The following SOX5 variants were observed in gnomAD, a reference collection of about 807,000 sequenced individuals.
SOX5 encodes transcription factor SOX-5.
In SOX5, 9 loss-of-function variants were observed where a neutral mutation model predicts 92.0. The observed-to-expected ratio is 0.10, with a 90% CI of 0.06 to 0.17. The LOEUF (loss-of-function observed/expected upper bound fraction) is 0.17, where lower values mean the gene tolerates loss of function less well. Among genes scored for constraint, SOX5 ranks in the 10% least tolerant of loss-of-function variants. The probability of loss-of-function intolerance (pLI) is 1.00; values close to 1 mark genes in which losing one functional copy is unlikely to be tolerated. For synonymous variants in SOX5, 344 were observed against 336.3 expected (o/e 1.02, Z -0.25); for missense variants, 642 against 944.5 (o/e 0.68, Z 4.20).
At chr12:24,357,726 C>T (rs1478542222) in intron 2 of SOX5, among the ~76,000 whole-genome samples, 3 of 151,838 alleles carry the variant, frequency 2.0e-5, no homozygotes, top group African/African-American at 7.3e-5. Flanking sequence ...GCCTGTAATC[C>T]CAGCTACTCT....
intron 4 of SOX5, among the ~76,000 whole-genome samples, chr12:24,064,125 GC>G (rs1337713937): frequency 2.0e-5 from 3 of 152,146 alleles, no homozygotes; most frequent in Non-Finnish European, 4.4e-5. Flanking sequence ...ACCAATGCTA[GC>G]CTTTGAATTG....
At chr12:23,975,613 C>T (rs1437264419) in intron 4 of SOX5, among the ~76,000 whole-genome samples, 1 of 152,134 alleles carries the variant, frequency 6.6e-6, no homozygotes, top group Admixed American at 6.6e-5. Context: ...TAGAGCCAAA[C>T]TATCTGGGAT....
chr12:23,701,395 C>T (rs796798179), intron 6 of SOX5, among the ~76,000 whole-genome samples: 2 of 151,848 alleles, frequency 1.3e-5, no homozygotes, highest in African/African-American at 4.8e-5. Flanking sequence ...TAAGTTGCAG[C>T]TAGATTTTGT....
intron 6 of SOX5, among the ~76,000 whole-genome samples, chr12:23,701,363 T>A (rs2090606761): frequency 6.6e-6 from 1 of 151,994 alleles, no homozygotes; most frequent in South Asian, 2.1e-4. Context: ...AATTTTTTTT[T>A]TAATAAAAAG....
intron 7 of SOX5, among the ~76,000 whole-genome samples, chr12:23,662,697 A>AT (rs1446902588): frequency 3.3e-5 from 5 of 151,890 alleles, no homozygotes; most frequent in Admixed American, 6.6e-5. Context: ...CTGTGTTTCT[A>AT]TTTTTTTTCC....
intron 3 of SOX5, among the ~76,000 whole-genome samples, chr12:23,832,892 T>G: frequency 6.6e-6 from 1 of 151,934 alleles, no homozygotes; most frequent in East Asian, 1.9e-4. Flanking sequence ...CCCCAAATAT[T>G]GCTAAATATC....
At chr12:23,645,456 T>A (rs769181350) in intron 7 of SOX5, among the ~76,000 whole-genome samples, 5 of 152,136 alleles carry the variant, frequency 3.3e-5, no homozygotes, top group Non-Finnish European at 7.4e-5. Flanking sequence ...GAAATGAAGT[T>A]TTAAGAAGCC....
intron 7 of SOX5, among the ~76,000 whole-genome samples, chr12:23,641,751 C>T (rs1010922187): frequency 6.6e-6 from 1 of 152,058 alleles, no homozygotes; most frequent in African/African-American, 2.4e-5. Context: ...AAGTAATGTA[C>T]ATTATTTGTC....
intron 1 of SOX5, chr12:23,920,310 T>C (rs892718266): frequency 1.1e-4 from 16 of 152,230 alleles, no homozygotes; most frequent in Non-Finnish European, 2.4e-4. Context: ...TTCTAAGATA[T>C]TGTTTGTATT....
chr12:24,384,156 T>G (rs1188236881), intron 1 of SOX5, among the ~76,000 whole-genome samples: 2 of 152,106 alleles, frequency 1.3e-5, no homozygotes, highest in East Asian at 3.9e-4. Context: ...AATTACCCAG[T>G]CTCAGATATT....
Position 24,103,505 on chromosome 12 carries a change from C to T in SOX5, c.-2+109838G>A, listed in dbSNP as rs11047260. 5.9e-5 allele frequency among the ~76,000 whole-genome samples: 9 copies of T among 152,230 alleles called. No individual in the cohort carries two copies. The East Asian group carries it at 1.7e-3, about 29-fold the overall frequency. ...AAGTAGCTAGGACTACAGCCATATG[C>T]CACCATGGCCAGCTAATATTTTTAT... On this transcript the variant is annotated intron_variant, in intron 4 of 4. Coordinates refer to the SOX5 transcript ENST00000446891.
intron 3 of SOX5, among the ~76,000 whole-genome samples, chr12:23,784,510 T>C (rs1484976663): frequency 6.6e-6 from 1 of 152,012 alleles, no homozygotes; most frequent in Non-Finnish European, 1.5e-5. Flanking sequence ...GTATTTTTAG[T>C]AGAGACAGGG....
intron 4 of SOX5, among the ~76,000 whole-genome samples, chr12:24,011,955 T>C (rs962449702): frequency 2.0e-5 from 3 of 152,198 alleles, no homozygotes; most frequent in African/African-American, 7.2e-5. Context: ...AACTGAGATA[T>C]CTGATGTTAG....
rs1939318850 is a variant in SOX5, at chr12:23,532,555, T to C, written c.*1664A>G. 6.6e-6 allele frequency: 1 copy of C among 152,332 alleles called. No homozygotes were observed. Among genetic ancestry groups the C allele is most frequent in the African/African-American group, 2.4e-5 (1 of 41,472 alleles). 9.4% of individuals were successfully genotyped at this position (152,332 alleles called of 1,614,324 possible). A position where few individuals can be genotyped will look rare whatever the true frequency, so the allele number is the denominator to read the frequency against. On this transcript the variant is annotated 3_prime_UTR_variant, in exon 15 of 15. Transcript: ENST00000451604. ...ACATAAGCAGTCCCATCACATTCAG[T>C]TGTTGCTCTTTGCAAATACTCTGCT...
intron 2 of SOX5, among the ~76,000 whole-genome samples, chr12:23,876,117 A>T (rs2096924094): frequency 6.6e-6 from 1 of 152,016 alleles, no homozygotes; most frequent in Non-Finnish European, 1.5e-5. Flanking sequence ...CCCTAAACTA[A>T]CTCTTTTTAG....
chr12:24,517,043 A>G (rs1949850979), intron 1 of SOX5, among the ~76,000 whole-genome samples: 1 of 152,220 alleles, frequency 6.6e-6, no homozygotes, highest in African/African-American at 2.4e-5. Context: ...TCAACCTAAA[A>G]TATACATTAG....
chr12:24,190,409 C>T (rs964538344), intron 4 of SOX5, among the ~76,000 whole-genome samples: 1 of 152,166 alleles, frequency 6.6e-6, no homozygotes, highest in African/African-American at 2.4e-5. Flanking sequence ...ATTTAAGACA[C>T]AAAATATTTC....
chr12:23,701,943 T>C (rs746405121), intron 6 of SOX5, among the ~76,000 whole-genome samples: 3 of 152,122 alleles, frequency 2.0e-5, no homozygotes, highest in Non-Finnish European at 2.9e-5. Context: ...GAAGTTGTTA[T>C]TTGGCATTCC....
At chr12:23,629,669 G>C (rs2078283906) in intron 8 of SOX5, among the ~76,000 whole-genome samples, 1 of 152,018 alleles carries the variant, frequency 6.6e-6, no homozygotes, top group Non-Finnish European at 1.5e-5. Flanking sequence ...AACCATCTGT[G>C]AGGTCTTTTT....
Sources: gnomAD v4.1 joint callset for allele counts (sites outside exome capture counted in the v4.1 genomes callset) on GRCh38, gnomAD v4.1.1 for gene constraint, MANE v1.5 for transcripts, NCBI Gene and HGNC (gene_info 2026-07-23, HGNC 2026-07-21) for gene names.